Variants in VPS36 observed in about 807,000 individuals in gnomAD.
VPS36 encodes the protein vacuolar protein-sorting-associated protein 36.
A neutral mutation model predicts 63.5 loss-of-function variants in VPS36; 31 were observed. The observed-to-expected ratio is 0.49, with a 90% CI of 0.37 to 0.66. VPS36 has a LOEUF of 0.66. Among genes scored for constraint, VPS36 ranks in the 30% least tolerant of loss-of-function variants. The pLI is 0.00. For synonymous variants in VPS36, 138 were observed against 157.2 expected (o/e 0.88, Z 0.91); for missense variants, 338 against 463.7 (o/e 0.73, Z 2.49).
At chr13:52,438,849 C>A (rs1390567768) in intron 3 of VPS36, among the ~76,000 whole-genome samples, 1 of 152,116 alleles carries the variant, frequency 6.6e-6, no homozygotes, top group African/African-American at 2.4e-5. Context: ...AGGTTATTTC[C>A]GATTTTAAGT....
At chr13:52,439,636 C>T (rs1403802658) in intron 2 of VPS36, among the ~76,000 whole-genome samples, 4 of 151,938 alleles carry the variant, frequency 2.6e-5, no homozygotes, top group East Asian at 1.9e-4. Context: ...TTAGTAGAGA[C>T]GGGGTTTCAC....
chr13:52,450,288 T>A, intron 1 of VPS36: 2 of 1,155,604 alleles, frequency 1.7e-6, no homozygotes, highest in Non-Finnish European at 1.1e-6. Context: ...GGACCCGCGC[T>A]GGGGAGGCAG....
At chr13:52,418,238 G>A (rs1435694957) in intron 10 of VPS36, among the ~76,000 whole-genome samples, 182 bp from the exon 11 acceptor site, 1 of 151,898 alleles carries the variant, frequency 6.6e-6, no homozygotes, top group Non-Finnish European at 1.5e-5. Context: ...AATAAAATAT[G>A]CATGCCACAT....
chr13:52,450,022 G>T (rs1958385036), intron 1 of VPS36: 6 of 986,196 alleles, frequency 6.1e-6, no homozygotes, highest in Non-Finnish European at 7.2e-6. Context: ...TAAAGCTTCC[G>T]CTGGGGCACG....
chr13:52,427,972 T>C (rs1240306373), intron 6 of VPS36, among the ~76,000 whole-genome samples: 2 of 152,214 alleles, frequency 1.3e-5, no homozygotes, highest in Non-Finnish European at 2.9e-5. Context: ...AATAGTTCTC[T>C]GGGCACAATA....
intron 10 of VPS36, among the ~76,000 whole-genome samples, chr13:52,418,592 AAAAAAAGT>A (rs1163767748): frequency 4.0e-5 from 6 of 150,092 alleles, no homozygotes; most frequent in East Asian, 3.8e-4. Flanking sequence ...AAAAAAAAAA[AAAAAAAGT>A]AAAAAAGTAA....
intron 10 of VPS36, among the ~76,000 whole-genome samples, chr13:52,420,493 C>T (rs9536068): frequency 0.029 from 4,451 of 151,660 alleles, 101 homozygotes; most frequent in South Asian, 0.068. Flanking sequence ...CCACCACGCC[C>T]GGCTAATTGT....
rs760526960 is a variant in VPS36, at chr13:52,433,752, A to G, written c.442-4T>C. 7.8e-6 allele frequency: 11 copies of G among 1,409,668 alleles called. No individual in the cohort carries two copies. In the East Asian group the frequency reaches 2.8e-4, roughly 35 times the overall value. The allele number at this position is 1,409,668 out of a possible 1,614,324, so 87.3% of individuals were successfully genotyped here. A position where few individuals can be genotyped will look rare whatever the true frequency, so the allele number is the denominator to read the frequency against. ...CTACAGCCCTTATTCTTCCTGGCTG[A>G]AAAAAAAAAGAGGTAGAAAATAAAA... On this transcript the variant is annotated splice_region_variant and splice_polypyrimidine_tract_variant and intron_variant, in intron 5 of 13. Transcript: ENST00000378060.
At chr13:52,419,331 A>G (rs1365320068) in intron 10 of VPS36, among the ~76,000 whole-genome samples, 1 of 152,242 alleles carries the variant, frequency 6.6e-6, no homozygotes, top group African/African-American at 2.4e-5. Context: ...TGCATTATCT[A>G]CAAGGCAACT....
In VPS36 at chr13:52,427,017, T is replaced by C; in HGVS notation, c.611A>G (p.Asp204Gly). 6.2e-7 allele frequency: 1 copy of C among 1,612,946 alleles called. No individual in the cohort carries two copies. Among genetic ancestry groups the C allele is most frequent in the East Asian group, 2.2e-5 (1 of 44,808 alleles). Residue 204 changes from aspartate to glycine, a missense_variant, in exon 8 of 14, where the codon GAC becomes GGC. By Grantham distance (94) the Asp-to-Gly change is moderately conservative. Coordinates refer to ENST00000378060, the MANE Select transcript of VPS36 (RefSeq NM_016075.4). ...LSKSIANKIK[D>G]KQGDITEDET... Reference sequence around the variant, plus strand: ...ATCTTCTGTGATGTCACCTTGTTTGTCTTTAATTTTATTAGCAATTGATTT... The same window carrying C: ...ATCTTCTGTGATGTCACCTTGTTTGCCTTTAATTTTATTAGCAATTGATTT...
chr13:52,441,880 C>T (rs1459317243), intron 2 of VPS36, among the ~76,000 whole-genome samples: 1 of 152,158 alleles, frequency 6.6e-6, no homozygotes, highest in African/African-American at 2.4e-5. Context: ...CTAGGACAAC[C>T]AGTGGTTTTA....
At chr13:52,430,641 A>C (rs1433314398) in intron 6 of VPS36, among the ~76,000 whole-genome samples, 1 of 152,050 alleles carries the variant, frequency 6.6e-6, no homozygotes, top group African/African-American at 2.4e-5. Context: ...CAAAAAAAAA[A>C]AAAGTAAGTT....
At chr13:52,420,606 T>A (rs555872797) in intron 10 of VPS36, among the ~76,000 whole-genome samples, 107 of 151,728 alleles carry the variant, frequency 7.1e-4, no homozygotes, top group African/African-American at 2.5e-3. Context: ...GTGCTGGGAT[T>A]ACAGGCATGA....
At chr13:52,447,486 C>T (rs1438955126) in intron 1 of VPS36, among the ~76,000 whole-genome samples, 6 of 152,136 alleles carry the variant, frequency 3.9e-5, no homozygotes, top group Admixed American at 1.3e-4. Context: ...AAACAAATGA[C>T]CTGTCTACAC....
At chr13:52,426,968 T>TA (rs765294152) in intron 8 of VPS36, 21 bp downstream of exon 8, 4 of 1,595,316 alleles carry the variant, frequency 2.5e-6, no homozygotes, top group South Asian at 2.3e-5. Context: ...TCAAATGCCT[T>TA]AAAAAAAGCA....
chr13:52,434,310 C>G (rs1958191014), intron 5 of VPS36, among the ~76,000 whole-genome samples: 1 of 152,172 alleles, frequency 6.6e-6, no homozygotes, highest in Admixed American at 6.5e-5. Context: ...TTTATGTTTA[C>G]TAAGCGTCTG....
In VPS36 at chr13:52,450,598, C is replaced by A; in HGVS notation, c.-4G>T. On this transcript the variant is annotated 5_prime_UTR_variant, in exon 1 of 14. Transcript: ENST00000378060. ...TGGTCCAAACGAAGCGGTCCATGGCCGCTGCCACCCAGCCCCGGCCCTCCG... is the reference window on the plus strand; with the variant it reads ...TGGTCCAAACGAAGCGGTCCATGGCAGCTGCCACCCAGCCCCGGCCCTCCG... The A allele has an allele frequency of 2.5e-6, 4 of 1,570,660 alleles. No individual in the cohort carries two copies. Among genetic ancestry groups the A allele is most frequent in the Non-Finnish European group, 3.5e-6 (4 of 1,159,304 alleles).
chr13:52,429,177 C>T, intron 6 of VPS36: 10 of 818,508 alleles, frequency 1.2e-5, no homozygotes, highest in Non-Finnish European at 1.5e-5. Context: ...AAAAACAGCA[C>T]CTGTTTTAAA....
chr13:52,438,260 A>G (rs1398133099), intron 3 of VPS36, among the ~76,000 whole-genome samples: 4 of 152,206 alleles, frequency 2.6e-5, no homozygotes, highest in African/African-American at 9.7e-5. Context: ...ATAAGGGGAA[A>G]ATATAAATCA....
Sources: allele counts gnomAD v4.1 joint callset (sites outside exome capture counted in the v4.1 genomes callset), GRCh38; gene constraint gnomAD v4.1.1; transcripts MANE v1.5; gene names NCBI Gene and HGNC (gene_info 2026-07-23, HGNC 2026-07-21).